FRAS1: variants seen among roughly 807,000 people sequenced by gnomAD.
FRAS1 encodes the protein extracellular matrix organizing protein FRAS1.
FRAS1 carries 290 observed loss-of-function variants against 435.2 expected under a neutral mutation model. The ratio of observed to expected loss-of-function variants is 0.67; its 90% CI spans 0.61 to 0.73. The LOEUF is 0.73. Among genes scored for constraint, FRAS1 ranks in the 30% least tolerant of loss-of-function variants. The pLI, the probability that FRAS1 is intolerant of heterozygous loss-of-function variation, is 0.00. For synonymous variants in FRAS1, 1,800 were observed against 1,851.0 expected (o/e 0.97, Z 0.71); for missense variants, 4,860 against 5,001.5 (o/e 0.97, Z 0.85).
intron 20 of FRAS1, among the ~76,000 whole-genome samples, chr4:78,343,018 C>G (rs908511084): frequency 1.3e-5 from 2 of 152,036 alleles, no homozygotes; most frequent in South Asian, 2.1e-4. Context: ...ATACTGTATT[C>G]CTATTCCACA....
intron 2 of FRAS1, among the ~76,000 whole-genome samples, chr4:78,198,107 C>T (rs1053942175): frequency 2.6e-5 from 4 of 152,168 alleles, no homozygotes; most frequent in East Asian, 1.9e-4. Flanking sequence ...ACTCTCTGAC[C>T]GAGCCCCCAT....
intron 9 of FRAS1, among the ~76,000 whole-genome samples, chr4:78,273,519 A>T (rs1257779375): frequency 6.6e-6 from 1 of 152,224 alleles, no homozygotes; most frequent in East Asian, 1.9e-4. Context: ...AATTTTTAGC[A>T]TGAAGGGCTG....
At chr4:78,481,565 A>G (rs1279218398) in intron 56 of FRAS1, among the ~76,000 whole-genome samples, 2 of 152,194 alleles carry the variant, frequency 1.3e-5, no homozygotes, top group Non-Finnish European at 2.9e-5. Flanking sequence ...CTCCAGCACC[A>G]TCTCCATGAA....
chr4:78,119,659 G>T (rs974472593), intron 2 of FRAS1, among the ~76,000 whole-genome samples: 2 of 152,158 alleles, frequency 1.3e-5, no homozygotes, highest in Admixed American at 6.5e-5. Context: ...AGGGGTAATA[G>T]TTCCTAATCC....
At chr4:78,200,458 G>A (rs939181184) in intron 2 of FRAS1, among the ~76,000 whole-genome samples, 1 of 152,154 alleles carries the variant, frequency 6.6e-6, no homozygotes, top group Non-Finnish European at 1.5e-5. Flanking sequence ...TATTATGAAA[G>A]CAGGGCAAGC....
chr4:78,097,119 G>A (rs1260521186), intron 2 of FRAS1, among the ~76,000 whole-genome samples: 3 of 152,084 alleles, frequency 2.0e-5, no homozygotes, highest in African/African-American at 7.2e-5. Flanking sequence ...AAATCTCTAG[G>A]GCAAGGGCAA....
chr4:78,150,004 G>A (rs1034086225), intron 2 of FRAS1, among the ~76,000 whole-genome samples: 3 of 152,200 alleles, frequency 2.0e-5, no homozygotes, highest in African/African-American at 7.2e-5. Context: ...TACATCAGTG[G>A]CGAATCCTTA....
At chr4:78,241,481 T>G (rs1725001438) in intron 3 of FRAS1, among the ~76,000 whole-genome samples, 1 of 152,206 alleles carries the variant, frequency 6.6e-6, no homozygotes, top group Non-Finnish European at 1.5e-5. Context: ...TTTTAGTTTT[T>G]GATATTACCA....
chr4:78,391,331 A>C (rs1038302873), intron 29 of FRAS1, among the ~76,000 whole-genome samples: 3 of 152,250 alleles, frequency 2.0e-5, no homozygotes, highest in African/African-American at 7.2e-5. Flanking sequence ...CTGATGTTGA[A>C]ACATGTTCTG....
chr4:78,468,682 T>G (rs976640134), intron 50 of FRAS1, among the ~76,000 whole-genome samples: 2 of 152,204 alleles, frequency 1.3e-5, no homozygotes, highest in Admixed American at 6.5e-5. Context: ...ACTCATCCCT[T>G]TGTTTGTTAG....
chr4:78,137,776 G>A (rs959039358), intron 2 of FRAS1, among the ~76,000 whole-genome samples: 2 of 152,180 alleles, frequency 1.3e-5, no homozygotes, highest in African/African-American at 4.8e-5. Flanking sequence ...GATGCACTGG[G>A]TTCTAAGCCT....
At chr4:78,476,426 AT>A (rs1402738099) in intron 54 of FRAS1, among the ~76,000 whole-genome samples, 3 of 152,120 alleles carry the variant, frequency 2.0e-5, no homozygotes, top group African/African-American at 7.2e-5. Flanking sequence ...ACAGGGCCCC[AT>A]GTATTTGTCA....
Position 78,370,121 on chromosome 4 carries a change from G to A in FRAS1, c.2869+137G>A, listed in dbSNP as rs11098158. ...TCTCTGATGATAGCAACAATTGTGT[G>A]TGTATGTATATATTCATTAATTCAC... On this transcript the variant is annotated intron_variant, in intron 23 of 73. Transcript: ENST00000512123. 95,795 of 719,464 alleles carry A rather than the reference G, an allele frequency of 0.13. 8,393 individuals carry two copies. The highest frequency in any genetic ancestry group is 0.34 in the East Asian group (12,212 of 36,254). 44.6% of individuals were successfully genotyped at this position (719,464 alleles called of 1,614,324 possible).
At chr4:78,538,872 A>C (rs1402349557) in intron 72 of FRAS1, among the ~76,000 whole-genome samples, 1 of 151,440 alleles carries the variant, frequency 6.6e-6, no homozygotes, top group South Asian at 2.1e-4. Flanking sequence ...GGAGAATGGC[A>C]TGAACCCAGG....
intron 5 of FRAS1, among the ~76,000 whole-genome samples, chr4:78,254,428 G>T (rs150110518): frequency 1.1e-4 from 16 of 152,184 alleles, no homozygotes; most frequent in African/African-American, 3.6e-4. Context: ...ATATGCCCAA[G>T]AATTGATGAA....
intron 29 of FRAS1, among the ~76,000 whole-genome samples, chr4:78,395,101 G>T (rs1297626219): frequency 6.6e-6 from 1 of 151,856 alleles, no homozygotes; most frequent in Non-Finnish European, 1.5e-5. Flanking sequence ...AATCTTTAGG[G>T]TTTTCTACAT....
chr4:78,489,963 GAAAACAAAAA>G lies in FRAS1; in HGVS notation c.8958+888_8958+897del, dbSNP rs1310076674. ...TAGAAACTCACCACTAAAGCTAGTG[GAAAACAAAAA>G]AAAAAAAAAAAAAAGAAAAGCAGGG... On this transcript the variant is annotated intron_variant, in intron 59 of 73. Coordinates refer to ENST00000512123, the MANE Select transcript of FRAS1 (RefSeq NM_025074.7). Among the ~76,000 whole-genome samples, 127 of 6,078 alleles carry G rather than the reference GAAAACAAAAA, an allele frequency of 0.021. 1 individual carries two copies. In the Middle Eastern group the frequency reaches 0.33, roughly 16 times the overall value. The allele number at this position is 6,078 out of a possible 152,430, so 4.0% of individuals were successfully genotyped here. A position where few individuals can be genotyped will look rare whatever the true frequency, so the allele number is the denominator to read the frequency against.
intron 2 of FRAS1, among the ~76,000 whole-genome samples, chr4:78,208,193 T>C (rs933209149): frequency 6.6e-6 from 1 of 151,990 alleles, no homozygotes; most frequent in African/African-American, 2.4e-5. Flanking sequence ...AGAAGAGAGA[T>C]AACAATCACT....
chr4:78,064,006 A>T (rs976424186), intron 1 of FRAS1, among the ~76,000 whole-genome samples: 3 of 151,886 alleles, frequency 2.0e-5, no homozygotes, highest in Non-Finnish European at 4.4e-5. Context: ...TTTATTTGAG[A>T]TATATAGAAT....
Sources: gnomAD v4.1 joint callset for allele counts (sites outside exome capture counted in the v4.1 genomes callset) on GRCh38, gnomAD v4.1.1 for gene constraint, MANE v1.5 for transcripts, NCBI Gene and HGNC (gene_info 2026-07-23, HGNC 2026-07-21) for gene names.